Variants in ZDHHC1 observed in about 807,000 individuals in gnomAD.
ZDHHC1 encodes the protein zDHHC palmitoyltransferase 1.
ZDHHC1 carries 45 observed loss-of-function variants against 46.9 expected under a neutral mutation model. The observed-to-expected ratio is 0.96, with a 90% CI of 0.76 to 1.23. ZDHHC1 has a LOEUF of 1.23. Ranked by LOEUF, ZDHHC1 falls within the 50% of genes most tolerant of loss-of-function variation. The probability of loss-of-function intolerance (pLI) is 0.00; values close to 1 mark genes in which losing one functional copy is unlikely to be tolerated. For synonymous variants in ZDHHC1, 291 were observed against 286.0 expected (o/e 1.02, Z -0.18); for missense variants, 649 against 670.8 (o/e 0.97, Z 0.36).
rs1350062863 is a variant in ZDHHC1 at position 67,416,376 on chromosome 16, T to TCCGG, written c.-245_-244insCCGG. On this transcript the variant is annotated 5_prime_UTR_variant, in exon 1 of 12. Coordinates refer to ENST00000565726, the MANE Select transcript of ZDHHC1 (RefSeq NM_001323627.2). Reference sequence around the variant, plus strand: ...GGCCGGTGAGTCCTCGAGCTCTGGCTCTGGCTCCGGCTCCGGCTCCGGCTC... The same window carrying TCCGG: ...GGCCGGTGAGTCCTCGAGCTCTGGCTCCGGCTGGCTCCGGCTCCGGCTCCGGCTC... 1.6e-4 allele frequency: 33 copies of TCCGG among 210,670 alleles called. No individual in the cohort carries two copies. Among genetic ancestry groups the TCCGG allele is most frequent in the African/African-American group, 3.8e-4 (15 of 39,264 alleles). 13.1% of individuals were successfully genotyped at this position (210,670 alleles called of 1,614,324 possible).
At chr16:67,404,578 C>A in intron 3 of ZDHHC1, 1 of 423,656 alleles carries the variant, frequency 2.4e-6, no homozygotes, top group Non-Finnish European at 4.8e-6. Flanking sequence ...ATGCTCAAAG[C>A]AGACGAACCC....
intron 3 of ZDHHC1, among the ~76,000 whole-genome samples, chr16:67,405,931 G>A (rs1273228830): frequency 2.6e-5 from 4 of 152,148 alleles, no homozygotes; most frequent in Non-Finnish European, 4.4e-5. Flanking sequence ...CTGCTCCTGT[G>A]GTGCCTCTGT....
At position 67,395,301 on chromosome 16, in the gene ZDHHC1, T is replaced by G. The variant is rs1456680672; in HGVS notation, c.1011-21A>C. ...AGGGACTGAGGGGGAAGCAGGAGGGTAAGCCTGGGGCCTGTTCCCCAAATC... is the reference window on the plus strand; with the variant it reads ...AGGGACTGAGGGGGAAGCAGGAGGGGAAGCCTGGGGCCTGTTCCCCAAATC... On this transcript the variant is annotated intron_variant, in intron 9 of 11. Coordinates refer to ENST00000565726, the MANE Select transcript of ZDHHC1 (RefSeq NM_001323627.2). The G allele has an allele frequency of 3.0e-5, 46 of 1,514,712 alleles. No individual in the cohort carries two copies. In the Admixed American group the frequency reaches 9.4e-4, roughly 31 times the overall value. The allele number at this position is 1,514,712 out of a possible 1,614,324, so 93.8% of individuals were successfully genotyped here. A position where few individuals can be genotyped will look rare whatever the true frequency, so the allele number is the denominator to read the frequency against.
chr16:67,415,563 C>A (rs978439571), intron 1 of ZDHHC1, among the ~76,000 whole-genome samples: 2 of 152,130 alleles, frequency 1.3e-5, no homozygotes, highest in Non-Finnish European at 2.9e-5. Flanking sequence ...TCGAGAACAG[C>A]CTGGCCAACA....
intron 1 of ZDHHC1, among the ~76,000 whole-genome samples, chr16:67,414,326 T>G (rs1006860029): frequency 5.3e-5 from 8 of 152,214 alleles, no homozygotes; most frequent in Non-Finnish European, 1.2e-4. Context: ...TTACTGCATC[T>G]CATGGTGATT....
At chr16:67,408,126 C>T (rs868096762) in intron 1 of ZDHHC1, among the ~76,000 whole-genome samples, 4 of 152,094 alleles carry the variant, frequency 2.6e-5, no homozygotes, top group Non-Finnish European at 5.9e-5. Flanking sequence ...TTAGTTTTCC[C>T]CCAGGGATTC....
intron 1 of ZDHHC1, among the ~76,000 whole-genome samples, chr16:67,410,200 G>A (rs2040728558): frequency 6.6e-6 from 1 of 152,170 alleles, no homozygotes; most frequent in Non-Finnish European, 1.5e-5. Context: ...CAGTGGGGAG[G>A]AGGGCATGGG....
chr16:67,398,014 G>A (rs2040464962), intron 8 of ZDHHC1, among the ~76,000 whole-genome samples, 198 bp downstream of exon 8: 3 of 152,154 alleles, frequency 2.0e-5, no homozygotes, highest in Admixed American at 2.0e-4. Context: ...GTGTACGTGG[G>A]GTCCGGGAAA....
At chr16:67,410,890 ACTC>A (rs1327625679) in intron 1 of ZDHHC1, among the ~76,000 whole-genome samples, 3 of 151,432 alleles carry the variant, frequency 2.0e-5, no homozygotes, top group African/African-American at 7.3e-5. Context: ...GGTCTCAAGA[ACTC>A]CTGACCTCAG....
rs2040402617 is a variant in ZDHHC1, at chr16:67,395,194, C to T, written c.1097G>A (p.Arg366Gln). ...CAGCACAGTCCCTCCTACCTGGGGT[C>T]GGATCCGGGGAGGCAGGGCGAGAGT... is the stretch of plus-strand genomic sequence containing the variant. ...PDTLALPPRIRPQKKRKRRVY... is the reference protein window; with the variant it reads ...PDTLALPPRIQPQKKRKRRVY... The change falls in exon 10 of 12, where the codon CGA becomes CAA. Residue 366 changes from arginine to glutamine, a missense_variant. Physicochemically the swap from Arg to Gln is conservative, Grantham distance 43. Transcript: ENST00000565726. 1.2e-6 allele frequency: 2 copies of T among 1,612,402 alleles called. No individual in the cohort carries two copies. Among genetic ancestry groups the T allele is most frequent in the Non-Finnish European group, 1.7e-6 (2 of 1,179,748 alleles).
Position 67,401,058 on chromosome 16 carries a change from G to A in ZDHHC1, c.327C>T (p.Asn109=), listed in dbSNP as rs538457044. ...TAVSIDPADA[N]VRDKSYAGPL... ...GCCCCGCATAGCTCTTGTCCCGCACGTTGGCATCTGCTGGATCGATGGAGA... is the reference window on the plus strand; with the variant it reads ...GCCCCGCATAGCTCTTGTCCCGCACATTGGCATCTGCTGGATCGATGGAGA... The change falls in exon 4 of 12, where the codon AAC becomes AAT. Residue 109 remains asparagine, a synonymous_variant. Transcript: ENST00000565726. This position sits in a 1 kb window ranked among gnomAD's most constrained non-coding sequence, Gnocchi z 4.6. 287 of 1,614,020 alleles carry A rather than the reference G, an allele frequency of 1.8e-4. No homozygotes were observed. Among genetic ancestry groups the A allele is most frequent in the Middle Eastern group, 3.3e-4 (2 of 6,082 alleles).
Position 67,406,101 on chromosome 16 carries a change from G to A in ZDHHC1, c.252+99C>T. ...CACCCTGCTCCACTCTCCTGACTGT[G>A]CTCCCCAAGGCTCTCAACCCGGCTT... On this transcript the variant is annotated intron_variant, in intron 3 of 11. Transcript: ENST00000565726. The surrounding 1 kb of genome is among the most constrained non-coding windows in gnomAD (Gnocchi z 4.1). The A allele has an allele frequency of 6.8e-7, 1 of 1,468,764 alleles. No homozygotes were observed. The highest frequency in any genetic ancestry group is 9.0e-7 in the Non-Finnish European group (1 of 1,105,328). 91.0% of individuals were successfully genotyped at this position (1,468,764 alleles called of 1,614,324 possible).
intron 4 of ZDHHC1, among the ~76,000 whole-genome samples, 188 bp downstream of exon 4, chr16:67,400,769 C>T (rs1371555548): frequency 1.3e-5 from 2 of 152,172 alleles, no homozygotes; most frequent in African/African-American, 4.8e-5. Flanking sequence ...TACTACTGAT[C>T]TTCTGTTTCC....
Position 67,401,824 on chromosome 16 carries a change from G to A in ZDHHC1, c.253-692C>T, listed in dbSNP as rs2040558040. Among the ~76,000 whole-genome samples the A allele has an allele frequency of 6.6e-6, 1 of 152,198 alleles. No homozygotes were observed. The highest frequency in any genetic ancestry group is 1.5e-5 in the Non-Finnish European group (1 of 68,030). ...CTCAATGACTGGGCCAAATGCAGGA[G>A]ACAAGTTTGCTGACAATTTGCTACA... On this transcript the variant is annotated intron_variant, in intron 3 of 11. Transcript: ENST00000565726. This position sits in a 1 kb window ranked among gnomAD's most constrained non-coding sequence, Gnocchi z 4.6.
intron 5 of ZDHHC1, 63 bp from the exon 6 acceptor site, chr16:67,399,007 G>T: frequency 6.3e-7 from 1 of 1,576,994 alleles, no homozygotes; most frequent in Non-Finnish European, 8.6e-7. Flanking sequence ...GCCCATAGGA[G>T]TTGGGGCTGT....
chr16:67,395,098 C>G (rs1319743639), intron 10 of ZDHHC1, 36 bp from the exon 11 acceptor site: 4 of 1,613,286 alleles, frequency 2.5e-6, no homozygotes, highest in African/African-American at 1.3e-5. Context: ...GGCCCCACAT[C>G]GCCAAAAGAA....
chr16:67,395,685 C>A (rs1479374440), intron 8 of ZDHHC1, 119 bp from the exon 9 acceptor site: 1 of 978,108 alleles, frequency 1.0e-6, no homozygotes, highest in Non-Finnish European at 1.5e-6. Context: ...AGGCCTCATG[C>A]CAGGCTCCCA....
In ZDHHC1 at chr16:67,400,973, A is replaced by G; in HGVS notation, c.412T>C (p.Leu138=). The part of the protein sequence containing the change: ...AHVIEDLHCN[L]CNVDVSARSK... ...CACACTCACACATCCACGTTGCACA[A>G]GTTGCAGTGCAGGTCTTCAATGACA... The change falls in exon 4 of 12, where the codon TTG becomes CTG. Residue 138 remains leucine (L), a synonymous_variant. Transcript: ENST00000565726. The G allele has an allele frequency of 6.2e-7, 1 of 1,613,958 alleles. No homozygotes were observed. Among genetic ancestry groups the G allele is most frequent in the Non-Finnish European group, 8.5e-7 (1 of 1,179,968 alleles).
intron 4 of ZDHHC1, 139 bp from the exon 5 acceptor site, chr16:67,399,595 G>T (rs1166604809): frequency 6.2e-6 from 4 of 641,558 alleles, no homozygotes; most frequent in South Asian, 2.3e-5. Context: ...GACGAGGAGC[G>T]CGCGCGCCCT....
Sources: allele counts gnomAD v4.1 joint callset (sites outside exome capture counted in the v4.1 genomes callset), GRCh38; gene constraint gnomAD v4.1.1; non-coding constraint Gnocchi (gnomAD v3.1); transcripts MANE v1.5; gene names NCBI Gene and HGNC (gene_info 2026-07-23, HGNC 2026-07-21).